Variants in MAML3 observed in about 807,000 individuals in gnomAD.
The protein encoded by MAML3 is mastermind-like protein 3.
MAML3 carries 27 observed loss-of-function variants against 101.9 expected under a neutral mutation model. The ratio of observed to expected loss-of-function variants is 0.27; its 90% CI spans 0.20 to 0.37. MAML3 has a LOEUF of 0.37. Ranked by LOEUF, MAML3 falls within the 10% of genes least tolerant of loss-of-function variation. The pLI, the probability that MAML3 is intolerant of heterozygous loss-of-function variation, is 1.00. For missense variants in MAML3, 1,316 were observed against 1,444.9 expected, an observed-to-expected ratio of 0.91 and a Z score of 1.45; for synonymous variants, 501 against 555.9, an observed-to-expected ratio of 0.90 and a Z score of 1.39.
intron 1 of MAML3, among the ~76,000 whole-genome samples, chr4:140,042,033 C>G (rs772175080): frequency 1.3e-5 from 2 of 152,130 alleles, no homozygotes; most frequent in Non-Finnish European, 2.9e-5. Context: ...CTTCACAAAC[C>G]TCCTGTGAAG....
chr4:139,812,972 TAAA>T (rs36096630), intron 2 of MAML3, among the ~76,000 whole-genome samples: 7 of 128,252 alleles, frequency 5.5e-5, no homozygotes, highest in African/African-American at 2.1e-4. Flanking sequence ...CTCAGAAATG[TAAA>T]AAAAAAAAAA....
intron 2 of MAML3, among the ~76,000 whole-genome samples, chr4:139,846,142 T>C (rs549377130): frequency 1.3e-5 from 2 of 152,272 alleles, no homozygotes; most frequent in African/African-American, 4.8e-5. Flanking sequence ...TTTTATGCCT[T>C]AATTTTCCTA....
chr4:139,890,983 GA>G lies in MAML3; in HGVS notation c.469-17del. On this transcript the variant is annotated splice_polypyrimidine_tract_variant and intron_variant, in intron 1 of 4. Coordinates refer to ENST00000509479, the MANE Select transcript of MAML3 (RefSeq NM_018717.5). This position sits in a 1 kb window ranked among gnomAD's most constrained non-coding sequence, Gnocchi z 4.1. ...TCTCTTGTAGCTGGAAAAGAAACAG[GA>G]AAGAGGATGACTAAACCTCCAAGTC... 6.2e-7 allele frequency: 1 copy of G among 1,602,376 alleles called. No individual in the cohort carries two copies. Among genetic ancestry groups the G allele is most frequent in the South Asian group, 1.1e-5 (1 of 89,904 alleles).
chr4:139,841,655 A>G, intron 2 of MAML3, among the ~76,000 whole-genome samples: 1 of 152,326 alleles, frequency 6.6e-6, no homozygotes. Context: ...GTTTTTTACA[A>G]GCGCTGTGCA....
chr4:139,969,138 G>A (rs1734191625), intron 1 of MAML3, among the ~76,000 whole-genome samples: 1 of 151,806 alleles, frequency 6.6e-6, no homozygotes, highest in Non-Finnish European at 1.5e-5. Context: ...TTGATAACCT[G>A]CAGAGGAAGG....
At chr4:139,981,664 C>T (rs574699346) in intron 1 of MAML3, among the ~76,000 whole-genome samples, 47 of 152,160 alleles carry the variant, frequency 3.1e-4, no homozygotes, top group Non-Finnish European at 4.7e-4. Context: ...ACCAACATTA[C>T]CTTTAGTCAT....
intron 1 of MAML3, among the ~76,000 whole-genome samples, chr4:140,049,552 A>G (rs1727234471): frequency 6.6e-6 from 1 of 152,242 alleles, no homozygotes; most frequent in African/African-American, 2.4e-5. Flanking sequence ...TGTACTATTA[A>G]GAGCAAGGCT....
chr4:139,744,523 A>G (rs1438495372), intron 2 of MAML3, among the ~76,000 whole-genome samples: 1 of 152,228 alleles, frequency 6.6e-6, no homozygotes, highest in East Asian at 1.9e-4. Context: ...CTCCCCCTGA[A>G]GTCTGAGCAC....
intron 1 of MAML3, among the ~76,000 whole-genome samples, chr4:139,944,216 A>G (rs1389096196): frequency 6.6e-6 from 1 of 151,980 alleles, no homozygotes; most frequent in Non-Finnish European, 1.5e-5. Context: ...TTTAAGGTAC[A>G]TGTGCACATT....
chr4:140,101,630 T>A (rs1459763960), intron 1 of MAML3, among the ~76,000 whole-genome samples: 1 of 152,130 alleles, frequency 6.6e-6, no homozygotes, highest in Non-Finnish European at 1.5e-5. Flanking sequence ...TGTGTCTTCA[T>A]TTGCCTAGCT....
intron 2 of MAML3, among the ~76,000 whole-genome samples, chr4:139,751,325 T>C (rs1436195712): frequency 6.6e-6 from 1 of 152,202 alleles, no homozygotes; most frequent in Non-Finnish European, 1.5e-5. Flanking sequence ...TTTCTTGGGA[T>C]TTTGGAATAT....
At chr4:139,953,230 G>A (rs963467166) in intron 1 of MAML3, among the ~76,000 whole-genome samples, 2 of 152,196 alleles carry the variant, frequency 1.3e-5, no homozygotes, top group Non-Finnish European at 2.9e-5. Flanking sequence ...GAAACTAGGA[G>A]ACAGGAAGAA....
intron 2 of MAML3, among the ~76,000 whole-genome samples, chr4:139,798,060 GA>G (rs1730544919): frequency 2.0e-5 from 3 of 148,594 alleles, no homozygotes; most frequent in Admixed American, 2.0e-4. Context: ...AAGAAAGAAA[GA>G]AAGAAAGAAA....
At chr4:140,102,618 C>T (rs1384344717) in intron 1 of MAML3, among the ~76,000 whole-genome samples, 4 of 152,160 alleles carry the variant, frequency 2.6e-5, no homozygotes, top group Non-Finnish European at 5.9e-5. Flanking sequence ...CTTCAAGGCC[C>T]GCCCTCCAAA....
At chr4:140,091,548 C>CAAAAAAAAAAAACAAAAAAAAAA (rs1728051837) in intron 1 of MAML3, among the ~76,000 whole-genome samples, 3 of 121,096 alleles carry the variant, frequency 2.5e-5, no homozygotes, top group Non-Finnish European at 3.3e-5. Flanking sequence ...AAAAACAAAA[C>CAAAAAAAAAAAACAAAAAAAAAA]AAAAAAAAAA....
intron 2 of MAML3, among the ~76,000 whole-genome samples, chr4:139,739,996 T>A (rs894712439): frequency 1.2e-4 from 18 of 152,174 alleles, no homozygotes; most frequent in Admixed American, 2.6e-4. Context: ...ACAGACATGC[T>A]TAAGTGGCAG....
chr4:140,088,272 AG>A (rs1249925619), intron 1 of MAML3, among the ~76,000 whole-genome samples: 5 of 152,022 alleles, frequency 3.3e-5, no homozygotes, highest in Non-Finnish European at 7.4e-5. Context: ...GAAGAAAGGA[AG>A]GGAGGAAGGA....
intron 2 of MAML3, 127 bp from the exon 3 acceptor site, chr4:139,730,794 G>T: frequency 2.5e-6 from 2 of 801,398 alleles, no homozygotes; most frequent in Non-Finnish European, 3.9e-6. Flanking sequence ...GTTTTTGAGT[G>T]GCACGCATTG....
chr4:139,727,787 A>G (rs1728536458), intron 3 of MAML3, among the ~76,000 whole-genome samples: 1 of 152,184 alleles, frequency 6.6e-6, no homozygotes, highest in African/African-American at 2.4e-5. Context: ...TAAGATCCCA[A>G]ATCCTTCTGT....
Sources: allele counts gnomAD v4.1 joint callset (sites outside exome capture counted in the v4.1 genomes callset), GRCh38; gene constraint gnomAD v4.1.1; non-coding constraint Gnocchi (gnomAD v3.1); transcripts MANE v1.5; gene names NCBI Gene and HGNC (gene_info 2026-07-23, HGNC 2026-07-21).